TDRD12: variants seen among roughly 807,000 people sequenced by gnomAD.
The protein encoded by TDRD12 is tudor domain containing 12, also known as putative ATP-dependent RNA helicase TDRD12.
A neutral mutation model predicts 133.5 loss-of-function variants in TDRD12; 158 were observed. The ratio of observed to expected loss-of-function variants is 1.18; its 90% CI spans 1.04 to 1.35. The LOEUF is 1.35. Ranked by LOEUF, TDRD12 falls within the 40% of genes most tolerant of loss-of-function variation. The pLI, the probability that TDRD12 is intolerant of heterozygous loss-of-function variation, is 0.00. For synonymous variants in TDRD12, 460 were observed against 477.9 expected (o/e 0.96, Z 0.49); for missense variants, 1,443 against 1,321.3 (o/e 1.09, Z -1.43).
At chr19:32,826,987 A>AATT (rs1238194887) in intron 9 of TDRD12, among the ~76,000 whole-genome samples, 177 bp from the exon 33 acceptor site, 1 of 152,182 alleles carries the variant, frequency 6.6e-6, no homozygotes, top group African/African-American at 2.4e-5. Flanking sequence ...TAGAAGAATA[A>AATT]ATTATTTGTA....
chr19:32,777,857 A>ATTT (rs869285558), intron 11 of TDRD12, among the ~76,000 whole-genome samples: 4 of 20,052 alleles, frequency 2.0e-4, no homozygotes, highest in Non-Finnish European at 1.6e-4. Context: ...ATATATATAT[A>ATTT]TTTTTTTTTT....
At chr19:32,742,332 A>G (rs979182993) in intron 3 of TDRD12, among the ~76,000 whole-genome samples, 2 of 151,904 alleles carry the variant, frequency 1.3e-5, no homozygotes, top group Non-Finnish European at 2.9e-5. Context: ...AATTTTTTGT[A>G]GTTTTAGTAT....
intron 10 of TDRD12, among the ~76,000 whole-genome samples, chr19:32,776,661 C>T (rs1054951540): frequency 1.5e-4 from 23 of 152,156 alleles, no homozygotes; most frequent in African/African-American, 5.1e-4. Context: ...GGGCCTCATC[C>T]AGAATCTCTA....
chr19:32,756,982 T>C, intron 7 of TDRD12, 56 bp from the exon 8 acceptor site: 2 of 1,450,964 alleles, frequency 1.4e-6, no homozygotes, highest in South Asian at 2.4e-5. Context: ...CGAGTTCACA[T>C]TTTTATTTTG....
In TDRD12 at chr19:32,810,209, TAAAAC is replaced by T; in HGVS notation, c.2772_2776del (p.Lys924AsnfsTer38). On this transcript the variant is annotated frameshift_variant, in exon 23 of 28. Coordinates refer to ENST00000444215, the Ensembl canonical transcript of TDRD12. LOFTEE classifies it high-confidence loss of function. ...TGAATGAGTATTTTAAGGATTCTAA[TAAAAC>T]AACTGTGGAAAAGGTGGAGAAGTTT... 1 of 1,535,960 alleles carries T rather than the reference TAAAAC, an allele frequency of 6.5e-7. No homozygotes were observed. The highest frequency in any genetic ancestry group is 2.4e-5 in the East Asian group (1 of 40,906).
chr19:32,801,362 G>C (rs562574566), intron 18 of TDRD12, among the ~76,000 whole-genome samples: 2 of 152,210 alleles, frequency 1.3e-5, no homozygotes, highest in South Asian at 4.2e-4. Flanking sequence ...CCAAATAAAA[G>C]AATTAATAGT....
intron 19 of TDRD12, among the ~76,000 whole-genome samples, chr19:32,802,273 TA>T (rs1971421526): frequency 6.7e-6 from 1 of 149,338 alleles, no homozygotes; most frequent in Non-Finnish European, 1.5e-5. Flanking sequence ...TATATGATCA[TA>T]TATATCATGA....
Position 32,790,522 on chromosome 19 carries a change from A to G in TDRD12, c.1122-9A>G, listed in dbSNP as rs1971038125. 1.3e-6 allele frequency: 2 copies of G among 1,550,920 alleles called. No homozygotes were observed. The highest frequency in any genetic ancestry group is 8.7e-7 in the Non-Finnish European group (1 of 1,146,518). ...TTTTCTTCACATTCTTCTTTTAACT[A>G]TCTTACAGATTACTGCAGTTTTTAA... On this transcript the variant is annotated splice_polypyrimidine_tract_variant and intron_variant, in intron 11 of 27. Coordinates refer to ENST00000444215, the Ensembl canonical transcript of TDRD12.
At chr19:32,746,259 T>TGA (rs556294047) in intron 4 of TDRD12, among the ~76,000 whole-genome samples, 48 of 139,272 alleles carry the variant, frequency 3.4e-4, no homozygotes, top group African/African-American at 1.3e-3. Context: ...TCTGTGTGTG[T>TGA]GAGAGAGAGA....
Position 32,771,034 on chromosome 19 carries a change from C to G in TDRD12, c.866-1719C>G, listed in dbSNP as rs182158701. Among the ~76,000 whole-genome samples the G allele has an allele frequency of 5.3e-5, 8 of 152,246 alleles. No homozygotes were observed. In the East Asian group the frequency reaches 1.3e-3, roughly 26 times the overall value. The stretch of plus-strand genomic sequence containing the variant: ...TTTATTTGGCTCACAGTTGTGCAAG[C>G]TGTATAAGAAGCATAGAGCTGGCAT... On this transcript the variant is annotated intron_variant, in intron 8 of 27. Coordinates refer to ENST00000444215, the Ensembl canonical transcript of TDRD12.
intron 21 of TDRD12, among the ~76,000 whole-genome samples, chr19:32,805,729 C>CTTTTTTTTTTTTTTTTT (rs397860060): frequency 2.5e-5 from 3 of 118,878 alleles, no homozygotes; most frequent in Non-Finnish European, 3.4e-5. Context: ...TTTTTTTTAT[C>CTTTTTTTTTTTTTTTTT]TTTTTTTTTT....
chr19:32,762,635 C>T (rs746244293), intron 8 of TDRD12, among the ~76,000 whole-genome samples: 3 of 152,152 alleles, frequency 2.0e-5, no homozygotes, highest in Non-Finnish European at 2.9e-5. Flanking sequence ...ACCTCAACAG[C>T]GGGGCCAAGA....
chr19:32,811,293 C>T (rs369929488), exon 24 of TDRD12: 85 of 1,535,952 alleles, frequency 5.5e-5, no homozygotes, highest in Admixed American at 3.1e-4. Flanking sequence ...GAAGGCAGGA[C>T]GGGGCTCGTC....
chr19:32,772,041 G>A lies in TDRD12; in HGVS notation c.866-712G>A, dbSNP rs989467107. Among the ~76,000 whole-genome samples the A allele has an allele frequency of 2.0e-5, 3 of 152,070 alleles. No individual in the cohort carries two copies. In the East Asian group the frequency reaches 5.8e-4, roughly 29 times the overall value. On this transcript the variant is annotated intron_variant, in intron 8 of 27. Coordinates refer to ENST00000444215, the Ensembl canonical transcript of TDRD12. ...TCATGGGTTCTGTGGTCAGGAATTCGGAATGGGCATGGCAGGAGGGTTTGC... is the reference window on the plus strand; with the variant it reads ...TCATGGGTTCTGTGGTCAGGAATTCAGAATGGGCATGGCAGGAGGGTTTGC...
intron 11 of TDRD12, among the ~76,000 whole-genome samples, chr19:32,782,099 T>C (rs1970785209): frequency 6.6e-6 from 1 of 152,120 alleles, no homozygotes; most frequent in South Asian, 2.1e-4. Flanking sequence ...GTATTTCTCC[T>C]ATTGTTATCC....
At chr19:32,819,430 T>G (rs1221097905) in intron 27 of TDRD12, among the ~76,000 whole-genome samples, 3 of 152,058 alleles carry the variant, frequency 2.0e-5, no homozygotes, top group African/African-American at 7.2e-5. Context: ...CCCTCTACTT[T>G]CAAGAAAAAA....
intron 8 of TDRD12, among the ~76,000 whole-genome samples, chr19:32,767,474 A>G (rs1970332220): frequency 6.6e-6 from 1 of 152,142 alleles, no homozygotes; most frequent in South Asian, 2.1e-4. Flanking sequence ...ACCCCACAAT[A>G]ATTCATCATT....
chr19:32,777,293 A>G (rs1970610704), intron 11 of TDRD12, 64 bp downstream of exon 11: 3 of 1,007,004 alleles, frequency 3.0e-6, no homozygotes, highest in Non-Finnish European at 4.3e-6. Context: ...TATAAACAAG[A>G]GAAATCTACA....
intron 6 of TDRD12, among the ~76,000 whole-genome samples, chr19:32,752,722 T>A (rs935205918): frequency 5.9e-5 from 9 of 151,704 alleles, no homozygotes; most frequent in African/African-American, 2.2e-4. Context: ...CACTCTTTAC[T>A]CTCTGATGCC....
Sources: gnomAD v4.1 joint callset for allele counts (sites outside exome capture counted in the v4.1 genomes callset) on GRCh38, gnomAD v4.1.1 for gene constraint, MANE v1.5 for transcripts, NCBI Gene and HGNC (gene_info 2026-07-23, HGNC 2026-07-21) for gene names.